MGMT: variants seen among roughly 807,000 people sequenced by gnomAD.
MGMT encodes methylated-DNA--protein-cysteine methyltransferase.
Under a neutral mutation model 15.9 loss-of-function variants are expected in MGMT, and 14 were observed. The observed-to-expected ratio is 0.88, with a 90% CI of 0.58 to 1.37. MGMT has a LOEUF of 1.37. MGMT is among the 40% of genes most tolerant of loss of function. The pLI is 0.00. For missense variants in MGMT, 282 were observed against 268.1 expected (o/e 1.05, Z -0.36); for synonymous variants, 130 against 118.2 (o/e 1.10, Z -0.65).
At chr10:129,595,000 C>T (rs1174688527) in intron 2 of MGMT, among the ~76,000 whole-genome samples, 1 of 152,232 alleles carries the variant, frequency 6.6e-6, no homozygotes, top group East Asian at 1.9e-4. Context: ...CGCCCCACGT[C>T]TCACGGTTCA....
intron 1 of MGMT, among the ~76,000 whole-genome samples, chr10:129,495,325 A>G (rs1762419): frequency 0.75 from 113,483 of 152,080 alleles, 42,495 homozygotes; most frequent in Middle Eastern, 0.8. Context: ...TTGAATCTCA[A>G]AATATCTGCA....
rs1048827033 is a variant in MGMT, at chr10:129,691,264, C to T, written c.126-16631C>T. On this transcript the variant is annotated intron_variant, in intron 2 of 4. Coordinates refer to ENST00000651593, the MANE Select transcript of MGMT (RefSeq NM_002412.5). ...TGGCACAGCTGTGTCTGTCCCCTGCCGGTCCTCAGAAAGTGACACCTAACA... is the reference window on the plus strand; with the variant it reads ...TGGCACAGCTGTGTCTGTCCCCTGCTGGTCCTCAGAAAGTGACACCTAACA... 3.9e-5 allele frequency among the ~76,000 whole-genome samples: 6 copies of T among 152,298 alleles called. No homozygotes were observed. In the Middle Eastern group the frequency reaches 0.017, roughly 432 times the overall value.
chr10:129,759,414 C>T (rs1848845730), intron 4 of MGMT, 73 bp downstream of exon 4: 10 of 1,598,268 alleles, frequency 6.3e-6, no homozygotes, highest in East Asian at 2.2e-5. Flanking sequence ...TCTGATCCCA[C>T]GTGTTTCCTC....
In MGMT at chr10:129,741,016, C is replaced by G. The variant is rs61233775; in HGVS notation, c.275-18186C>G. On this transcript the variant is annotated intron_variant, in intron 3 of 4. Coordinates refer to ENST00000651593, the MANE Select transcript of MGMT (RefSeq NM_002412.5). ...TTTTCTGAGGAGCGTCTGTTGGATG[C>G]CTTTGGCCCTTGCACCACGTACAGC... 9.2e-3 allele frequency among the ~76,000 whole-genome samples: 1,402 copies of G among 152,282 alleles called. 22 individuals are homozygous for G. The highest frequency in any genetic ancestry group is 0.032 in the African/African-American group (1,349 of 41,558).
intron 3 of MGMT, among the ~76,000 whole-genome samples, chr10:129,716,986 C>T (rs1000866074): frequency 2.0e-5 from 3 of 152,198 alleles, no homozygotes; most frequent in African/African-American, 7.2e-5. Context: ...AACTCATTGG[C>T]AGCGTCGGCC....
At chr10:129,604,372 A>C (rs1433280741) in intron 2 of MGMT, among the ~76,000 whole-genome samples, 7 of 152,206 alleles carry the variant, frequency 4.6e-5, no homozygotes, top group African/African-American at 1.7e-4. Context: ...CTTCTGAAAA[A>C]AAAATTCTTT....
intron 2 of MGMT, among the ~76,000 whole-genome samples, chr10:129,561,237 G>C (rs1012562106): frequency 5.3e-5 from 8 of 152,182 alleles, no homozygotes; most frequent in African/African-American, 1.9e-4. Context: ...CAAGAGAGAG[G>C]TGGAGCCTGC....
chr10:129,540,237 T>G (rs947495864), intron 2 of MGMT, among the ~76,000 whole-genome samples: 2 of 152,276 alleles, frequency 1.3e-5, no homozygotes, highest in African/African-American at 4.8e-5. Context: ...GATCTTATAT[T>G]CTGGGATCTT....
chr10:129,688,073 A>G (rs906628994), intron 2 of MGMT, among the ~76,000 whole-genome samples: 8 of 152,240 alleles, frequency 5.3e-5, no homozygotes, highest in African/African-American at 1.9e-4. Context: ...TATATGTGCC[A>G]CATTTTCTTA....
intron 2 of MGMT, among the ~76,000 whole-genome samples, chr10:129,669,221 G>C (rs946164163): frequency 1.3e-5 from 2 of 151,974 alleles, no homozygotes; most frequent in African/African-American, 4.8e-5. Context: ...TTAAGAGACA[G>C]AGTCTCACTA....
At chr10:129,617,724 G>A (rs1847044238) in intron 2 of MGMT, among the ~76,000 whole-genome samples, 1 of 152,118 alleles carries the variant, frequency 6.6e-6, no homozygotes, top group Admixed American at 6.5e-5. Context: ...CCATATGTAT[G>A]TCTTCTTTTG....
intron 3 of MGMT, among the ~76,000 whole-genome samples, chr10:129,724,263 AT>A (rs1236752647): frequency 6.6e-6 from 1 of 152,210 alleles, no homozygotes; most frequent in Non-Finnish European, 1.5e-5. Context: ...CGGTAACGTC[AT>A]GCTGAGCTTA....
At chr10:129,722,292 T>C (rs1183766255) in intron 3 of MGMT, among the ~76,000 whole-genome samples, 2 of 152,196 alleles carry the variant, frequency 1.3e-5, no homozygotes, top group African/African-American at 4.8e-5. Context: ...TTTATGTATT[T>C]AACATTAGCA....
intron 2 of MGMT, among the ~76,000 whole-genome samples, chr10:129,653,308 C>A (rs1432421430): frequency 6.6e-6 from 1 of 152,230 alleles, no homozygotes; most frequent in Non-Finnish European, 1.5e-5. Flanking sequence ...ATCCCTAAGT[C>A]TCTGTCCTTT....
At chr10:129,636,413 G>A (rs1847265561) in intron 2 of MGMT, among the ~76,000 whole-genome samples, 2 of 152,178 alleles carry the variant, frequency 1.3e-5, no homozygotes, top group Non-Finnish European at 2.9e-5. Context: ...ATTGAAAAGG[G>A]GTCTTTGCAA....
chr10:129,479,309 G>T lies in MGMT; in HGVS notation c.-13+12013G>T, dbSNP rs144958994. 4.1e-3 allele frequency among the ~76,000 whole-genome samples: 627 copies of T among 152,182 alleles called. 6 individuals are homozygous for T. Among genetic ancestry groups the T allele is most frequent in the African/African-American group, 0.014 (589 of 41,534 alleles). On this transcript the variant is annotated intron_variant, in intron 1 of 4. Coordinates refer to ENST00000651593, the MANE Select transcript of MGMT (RefSeq NM_002412.5). The stretch of plus-strand genomic sequence containing the variant: ...TTGGAAGTATATTTTACAAGTATGC[G>T]TTGGGCCTTGGGGATGTTATATTGA...
At chr10:129,650,120 C>T (rs1847439653) in intron 2 of MGMT, among the ~76,000 whole-genome samples, 1 of 152,200 alleles carries the variant, frequency 6.6e-6, no homozygotes, top group Admixed American at 6.5e-5. Context: ...AGAGCAGACT[C>T]TCATTCTTTA....
At chr10:129,516,090 T>C (rs1269288731) in intron 1 of MGMT, among the ~76,000 whole-genome samples, 1 of 152,198 alleles carries the variant, frequency 6.6e-6, no homozygotes, top group African/African-American at 2.4e-5. Context: ...GAAGAGCTCA[T>C]GACAGTTTTT....
intron 2 of MGMT, among the ~76,000 whole-genome samples, chr10:129,707,483 G>A (rs963055946): frequency 2.0e-5 from 3 of 152,184 alleles, no homozygotes; most frequent in Admixed American, 6.5e-5. Flanking sequence ...GGCAGAACGC[G>A]TGGATGTGGC....
Sources: allele counts gnomAD v4.1 joint callset (sites outside exome capture counted in the v4.1 genomes callset), GRCh38; gene constraint gnomAD v4.1.1; transcripts MANE v1.5; gene names NCBI Gene and HGNC (gene_info 2026-07-23, HGNC 2026-07-21).